SNX29: variants seen among roughly 807,000 people sequenced by gnomAD.
The protein encoded by SNX29 is sorting nexin-29.
SNX29 carries 78 observed loss-of-function variants against 102.1 expected under a neutral mutation model. The observed-to-expected ratio is 0.76, with a 90% confidence interval of 0.64 to 0.92. SNX29 has a LOEUF of 0.92. Among genes scored for constraint, SNX29 ranks in the 40% least tolerant of loss-of-function variants. SNX29 has a pLI of 0.00. For synonymous variants in SNX29, 580 were observed against 414.5 expected, an observed-to-expected ratio of 1.40 and a Z score of -4.85; for missense variants, 1,280 against 1,061.7, an observed-to-expected ratio of 1.21 and a Z score of -2.86.
intron 20 of SNX29, among the ~76,000 whole-genome samples, chr16:12,543,762 A>T (rs746976018): frequency 6.6e-6 from 1 of 152,170 alleles, no homozygotes; most frequent in African/African-American, 2.4e-5. Context: ...AGATTTTCCA[A>T]GTTTATTTTC....
intron 18 of SNX29, among the ~76,000 whole-genome samples, chr16:12,406,305 A>T (rs955822228): frequency 3.5e-4 from 54 of 152,230 alleles, no homozygotes; most frequent in African/African-American, 1.1e-3. Context: ...TTCTGTTGCT[A>T]ATGATAAGAA....
intron 14 of SNX29, among the ~76,000 whole-genome samples, chr16:12,247,631 C>T (rs1483460054): frequency 6.6e-6 from 1 of 152,184 alleles, no homozygotes; most frequent in Non-Finnish European, 1.5e-5. Context: ...GCAGGGCCTG[C>T]ATTTCGTAGT....
intron 15 of SNX29, among the ~76,000 whole-genome samples, chr16:12,322,841 C>T (rs209843): frequency 0.14 from 6,464 of 46,332 alleles, 152 homozygotes; most frequent in Middle Eastern, 0.18. Context: ...TGTCAGGATG[C>T]GGTCACTAGG....
intron 14 of SNX29, among the ~76,000 whole-genome samples, chr16:12,240,176 G>A (rs1596598837): frequency 6.6e-6 from 1 of 152,196 alleles, no homozygotes; most frequent in South Asian, 2.1e-4. Context: ...CTGCCATGGT[G>A]ATCTTTATAT....
At chr16:12,011,379 G>A (rs992240040) in intron 3 of SNX29, among the ~76,000 whole-genome samples, 2 of 151,554 alleles carry the variant, frequency 1.3e-5, no homozygotes, top group East Asian at 1.9e-4. Flanking sequence ...AGGTTCTAGC[G>A]ATTCTTGTGC....
intron 20 of SNX29, among the ~76,000 whole-genome samples, chr16:12,554,476 G>C (rs983531290): frequency 1.3e-5 from 2 of 152,212 alleles, no homozygotes; most frequent in African/African-American, 4.8e-5. Context: ...CCTGCACATA[G>C]GCATGGAGTG....
At chr16:12,199,573 T>C in intron 13 of SNX29, 28 bp from the exon 14 acceptor site, 2 of 1,579,058 alleles carry the variant, frequency 1.3e-6, no homozygotes, top group Non-Finnish European at 1.7e-6. Context: ...TTTAAATATA[T>C]ATTTTTTTAA....
intron 19 of SNX29, among the ~76,000 whole-genome samples, chr16:12,523,151 C>A (rs752645638): frequency 6.6e-6 from 1 of 152,150 alleles, no homozygotes; most frequent in African/African-American, 2.4e-5. Context: ...GCACGTGATG[C>A]TAGGTGGTTT....
At chr16:12,149,541 T>A (rs2055210007) in intron 13 of SNX29, among the ~76,000 whole-genome samples, 1 of 152,220 alleles carries the variant, frequency 6.6e-6, no homozygotes, top group Non-Finnish European at 1.5e-5. Flanking sequence ...AGATTGTCCC[T>A]ATAGTGATTA....
intron 19 of SNX29, among the ~76,000 whole-genome samples, chr16:12,498,016 A>C (rs1253867545): frequency 1.3e-5 from 2 of 152,248 alleles, no homozygotes; most frequent in African/African-American, 4.8e-5. Flanking sequence ...GGTAGCAAGC[A>C]GGCAAAATAT....
At chr16:12,390,120 G>C (rs1597202023) in intron 16 of SNX29, among the ~76,000 whole-genome samples, 1 of 151,714 alleles carries the variant, frequency 6.6e-6, no homozygotes, top group Non-Finnish European at 1.5e-5. Context: ...CAGAGAGTTT[G>C]GCATGTTACC....
At chr16:12,304,130 T>G (rs1267934827) in intron 15 of SNX29, among the ~76,000 whole-genome samples, 1 of 152,214 alleles carries the variant, frequency 6.6e-6, no homozygotes, top group Non-Finnish European at 1.5e-5. Flanking sequence ...ATGAGTCCCT[T>G]GACCAAGTGG....
intron 11 of SNX29, among the ~76,000 whole-genome samples, chr16:12,092,555 A>G (rs562464308): frequency 1.3e-5 from 2 of 152,202 alleles, no homozygotes; most frequent in East Asian, 1.9e-4. Context: ...ATTACAAACT[A>G]TTTGCTCTCA....
In SNX29 at chr16:12,572,785, C is replaced by G. The variant is rs1287374332; in HGVS notation, c.*4156C>G. ...GACCCGAGGAAGACCCCACCTCACT[C>G]CTCCTTCCCCAGTACATCAGACTGG... On this transcript the variant is annotated 3_prime_UTR_variant, in exon 21 of 21. Transcript: ENST00000566228. 2.8e-6 allele frequency: 3 copies of G among 1,063,412 alleles called. No individual in the cohort carries two copies. The highest frequency in any genetic ancestry group is 5.0e-5 in the East Asian group (1 of 19,900). 65.9% of individuals were successfully genotyped at this position (1,063,412 alleles called of 1,614,324 possible). A position where few individuals can be genotyped will look rare whatever the true frequency, so the allele number is the denominator to read the frequency against.
At position 12,571,969 on chromosome 16, in the gene SNX29, G is replaced by T. The variant is rs1276609152; in HGVS notation, c.*3340G>T. ...GGAAGAGGCTCTTACAGTCTATGGTGGTAGCCATCTTCACATCCAGTCACC... is the reference window on the plus strand; with the variant it reads ...GGAAGAGGCTCTTACAGTCTATGGTTGTAGCCATCTTCACATCCAGTCACC... On this transcript the variant is annotated 3_prime_UTR_variant, in exon 21 of 21. Transcript: ENST00000566228. 2.8e-6 allele frequency: 3 copies of T among 1,061,766 alleles called. No individual in the cohort carries two copies. The highest frequency in any genetic ancestry group is 3.4e-6 in the Non-Finnish European group (3 of 877,010). The allele number at this position is 1,061,766 out of a possible 1,614,324, so 65.8% of individuals were successfully genotyped here.
chr16:12,265,724 A>G (rs2078908866), intron 14 of SNX29, among the ~76,000 whole-genome samples: 1 of 124,178 alleles, frequency 8.1e-6, no homozygotes, highest in African/African-American at 3.2e-5. Flanking sequence ...AAAAAAAAAA[A>G]AAAGTTGCAA....
At chr16:12,399,913 A>G (rs1401474778) in intron 17 of SNX29, among the ~76,000 whole-genome samples, 1 of 152,088 alleles carries the variant, frequency 6.6e-6, no homozygotes, top group Non-Finnish European at 1.5e-5. Context: ...CTGGGAAGAC[A>G]AGAGAGAGCC....
At chr16:12,053,693 C>T (rs186551078) in intron 8 of SNX29, among the ~76,000 whole-genome samples, 67 of 148,086 alleles carry the variant, frequency 4.5e-4, no homozygotes, top group African/African-American at 1.6e-3. Flanking sequence ...TGAGACTGTG[C>T]CTATTATTGT....
intron 14 of SNX29, among the ~76,000 whole-genome samples, chr16:12,257,927 A>G (rs1306051782): frequency 6.6e-6 from 1 of 152,206 alleles, no homozygotes; most frequent in African/African-American, 2.4e-5. Context: ...ATCTATAGCC[A>G]GTCCTGCCAG....
Sources: gnomAD v4.1 joint callset for allele counts (sites outside exome capture counted in the v4.1 genomes callset) on GRCh38, gnomAD v4.1.1 for gene constraint, MANE v1.5 for transcripts, NCBI Gene and HGNC (gene_info 2026-07-23, HGNC 2026-07-21) for gene names.